LHFPL3: variants seen among roughly 807,000 people sequenced by gnomAD.
LHFPL3 encodes LHFPL tetraspan subfamily member 3, also known as LHFPL tetraspan subfamily member 3 protein.
In LHFPL3, 5 loss-of-function variants were observed where a neutral mutation model predicts 19.3. The observed-to-expected ratio is 0.26, with a 90% CI of 0.14 to 0.54. LHFPL3 has a LOEUF of 0.54. Ranked by LOEUF, LHFPL3 falls within the 20% of genes least tolerant of loss-of-function variation. The pLI is 0.94. For synonymous variants in LHFPL3, 133 were observed against 126.2 expected (o/e 1.05, Z -0.36); for missense variants, 249 against 307.4 (o/e 0.81, Z 1.42).
chr7:104,487,084 G>A (rs1443442144), intron 1 of LHFPL3, among the ~76,000 whole-genome samples: 1 of 151,416 alleles, frequency 6.6e-6, no homozygotes, highest in African/African-American at 2.4e-5. Flanking sequence ...ATTTCTTCCA[G>A]TTTCATTTTC....
At chr7:104,390,382 C>T (rs1022686538) in intron 1 of LHFPL3, among the ~76,000 whole-genome samples, 11 of 151,802 alleles carry the variant, frequency 7.2e-5, no homozygotes, top group African/African-American at 2.4e-4. Context: ...GTTCCCCAAC[C>T]TGTGTCCAAG....
intron 1 of LHFPL3, among the ~76,000 whole-genome samples, chr7:104,402,444 T>C (rs1309910281): frequency 6.6e-6 from 1 of 152,254 alleles, no homozygotes; most frequent in Non-Finnish European, 1.5e-5. Flanking sequence ...TCCAAGAATT[T>C]CATCGAGCCT....
intron 1 of LHFPL3, among the ~76,000 whole-genome samples, chr7:104,329,860 A>G (rs1350249398): frequency 6.6e-6 from 1 of 152,166 alleles, no homozygotes; most frequent in Non-Finnish European, 1.5e-5. Context: ...CAATTCCTCA[A>G]TGTCAAGTCT....
intron 1 of LHFPL3, among the ~76,000 whole-genome samples, chr7:104,628,885 G>A (rs1264886261): frequency 6.6e-6 from 1 of 152,138 alleles, no homozygotes; most frequent in African/African-American, 2.4e-5. Context: ...ATGGTAATGT[G>A]TTCTGATATT....
chr7:104,661,390 T>G (rs1001288992), intron 1 of LHFPL3, among the ~76,000 whole-genome samples: 2 of 152,194 alleles, frequency 1.3e-5, no homozygotes, highest in African/African-American at 4.8e-5. Flanking sequence ...CTGACTCATT[T>G]TGGACCATCG....
chr7:104,478,008 C>T (rs1793058068), intron 1 of LHFPL3, among the ~76,000 whole-genome samples: 2 of 152,096 alleles, frequency 1.3e-5, no homozygotes, highest in Admixed American at 1.3e-4. Context: ...AAAGTGCTCT[C>T]TGTATTTTGC....
chr7:104,816,737 C>T (rs1329031794), intron 2 of LHFPL3, among the ~76,000 whole-genome samples: 1 of 152,248 alleles, frequency 6.6e-6, no homozygotes, highest in Non-Finnish European at 1.5e-5. Context: ...GGCCACTCAA[C>T]GTGGCAAAGA....
intron 1 of LHFPL3, among the ~76,000 whole-genome samples, chr7:104,417,860 C>A (rs55678588): frequency 0.044 from 5,272 of 120,590 alleles, 74 homozygotes; most frequent in South Asian, 0.058. Context: ...TTTTCTAATT[C>A]TTCTTCTTCT....
intron 1 of LHFPL3, among the ~76,000 whole-genome samples, chr7:104,405,210 A>C (rs967666984): frequency 6.6e-6 from 1 of 152,208 alleles, no homozygotes; most frequent in Non-Finnish European, 1.5e-5. Flanking sequence ...GCCTAGCAAA[A>C]CAATTTCAGT....
chr7:104,618,135 G>T (rs1489670039), intron 1 of LHFPL3, among the ~76,000 whole-genome samples: 1 of 152,140 alleles, frequency 6.6e-6, no homozygotes, highest in East Asian at 1.9e-4. Flanking sequence ...AAGAAGCCAA[G>T]AGATGTTTTT....
At chr7:104,849,834 G>C (rs965398225) in intron 2 of LHFPL3, among the ~76,000 whole-genome samples, 3 of 152,340 alleles carry the variant, frequency 2.0e-5, no homozygotes, top group East Asian at 1.9e-4. Context: ...ATGGCCCATA[G>C]TCAAACAAGG....
In LHFPL3 at chr7:104,381,256, A is replaced by G. The variant is rs185542303; in HGVS notation, c.445+52032A>G. Among the ~76,000 whole-genome samples, 840 of 152,298 alleles carry G rather than the reference A, an allele frequency of 5.5e-3. 5 individuals carry two copies. Among genetic ancestry groups the G allele is most frequent in the Middle Eastern group, 0.024 (7 of 294 alleles). Reference sequence around the variant, plus strand: ...GTTGTACAGATCAAGTTGAGTAACAATAATTCAACAGAATGCTGTGTATTT... The same window carrying G: ...GTTGTACAGATCAAGTTGAGTAACAGTAATTCAACAGAATGCTGTGTATTT... On this transcript the variant is annotated intron_variant, in intron 1 of 2. Transcript: ENST00000424859.
At chr7:104,747,505 G>A (rs1279933312) in intron 2 of LHFPL3, among the ~76,000 whole-genome samples, 4 of 152,176 alleles carry the variant, frequency 2.6e-5, no homozygotes, top group Non-Finnish European at 4.4e-5. Context: ...AGGTTTGTAG[G>A]TCCCTGTGTT....
At chr7:104,691,180 A>C (rs1792898731) in intron 1 of LHFPL3, among the ~76,000 whole-genome samples, 1 of 152,196 alleles carries the variant, frequency 6.6e-6, no homozygotes, top group Non-Finnish European at 1.5e-5. Flanking sequence ...TCTAGCCATA[A>C]AGTGGGTTGT....
chr7:104,607,399 C>T (rs1415941308), intron 1 of LHFPL3, among the ~76,000 whole-genome samples: 3 of 152,154 alleles, frequency 2.0e-5, no homozygotes, highest in Non-Finnish European at 4.4e-5. Context: ...AGTTGTCTGC[C>T]TGAAAACACA....
intron 1 of LHFPL3, among the ~76,000 whole-genome samples, chr7:104,574,853 A>G (rs1328717075): frequency 6.6e-6 from 1 of 152,190 alleles, no homozygotes; most frequent in Admixed American, 6.5e-5. Flanking sequence ...GAAAAGGCAG[A>G]ACTGGAGTTA....
intron 2 of LHFPL3, among the ~76,000 whole-genome samples, chr7:104,820,331 C>G (rs1287856443): frequency 6.6e-6 from 1 of 152,186 alleles, no homozygotes; most frequent in Non-Finnish European, 1.5e-5. Context: ...TGCTCAGCCT[C>G]TGAGCAGCTG....
rs548900177 is a variant in LHFPL3, at chr7:104,359,443, T to G, written c.445+30219T>G. Among the ~76,000 whole-genome samples the G allele has an allele frequency of 7.2e-5, 11 of 152,340 alleles. No individual in the cohort carries two copies. The South Asian group carries it at 2.3e-3, about 32-fold the overall frequency. On this transcript the variant is annotated intron_variant, in intron 1 of 2. Coordinates refer to ENST00000424859, the MANE Select transcript of LHFPL3 (RefSeq NM_199000.3). ...CTGAAAGACATATTTCAGATAAAAT[T>G]AATTTTTTGAAGTGTCAATGTTCCC...
chr7:104,522,602 G>A lies in LHFPL3; in HGVS notation c.445+193378G>A, dbSNP rs116002525. 3.2e-3 allele frequency among the ~76,000 whole-genome samples: 484 copies of A among 152,238 alleles called. 2 individuals carry two copies. Among genetic ancestry groups the A allele is most frequent in the African/African-American group, 0.011 (460 of 41,550 alleles). On this transcript the variant is annotated intron_variant, in intron 1 of 2. Coordinates refer to ENST00000424859, the MANE Select transcript of LHFPL3 (RefSeq NM_199000.3). The stretch of plus-strand genomic sequence containing the variant: ...GTACAAAGTGTAAGGAATTTTATGT[G>A]GCAGAAGATATGGTTCCTAGCCTCA...
Sources: gnomAD v4.1 joint callset for allele counts (sites outside exome capture counted in the v4.1 genomes callset) on GRCh38, gnomAD v4.1.1 for gene constraint, MANE v1.5 for transcripts, NCBI Gene and HGNC (gene_info 2026-07-23, HGNC 2026-07-21) for gene names.